COL4A3: variants seen among roughly 807,000 people sequenced by gnomAD.
COL4A3 encodes collagen type IV alpha 3 chain.
COL4A3 carries 135 observed loss-of-function variants against 217.4 expected under a neutral mutation model. The ratio of observed to expected loss-of-function variants is 0.62; its 90% CI spans 0.54 to 0.72. COL4A3 has a LOEUF of 0.72. Ranked by LOEUF, COL4A3 falls within the 30% of genes least tolerant of loss-of-function variation. COL4A3 has a pLI of 0.00. For missense variants in COL4A3, 1,868 were observed against 2,119.9 expected (o/e 0.88, Z 2.33); for synonymous variants, 690 against 736.3 (o/e 0.94, Z 1.02).
intron 1 of COL4A3, among the ~76,000 whole-genome samples, chr2:227,229,745 T>A (rs2068289115): frequency 6.6e-6 from 1 of 152,032 alleles, no homozygotes; most frequent in South Asian, 2.1e-4. Flanking sequence ...TGGGGGAACC[T>A]GGAAGGATTA....
intron 46 of COL4A3, among the ~76,000 whole-genome samples, chr2:227,304,632 A>G (rs2073426871): frequency 6.6e-6 from 1 of 152,240 alleles, no homozygotes; most frequent in Non-Finnish European, 1.5e-5. Context: ...TCTGAATGGA[A>G]TGATTATGCC....
At chr2:227,280,851 A>G (rs1574777446) in intron 30 of COL4A3, 42 bp from the exon 31 acceptor site, 1 of 1,402,892 alleles carries the variant, frequency 7.1e-7, no homozygotes, top group East Asian at 2.5e-5. Context: ...CCAAGACCTT[A>G]AGTTCTAGCA....
At chr2:227,239,230 T>A (rs2068876203) in intron 2 of COL4A3, among the ~76,000 whole-genome samples, 1 of 121,514 alleles carries the variant, frequency 8.2e-6, no homozygotes, top group Non-Finnish European at 1.8e-5. Context: ...ATACAACAAT[T>A]AAAGATAATA....
chr2:227,292,810 T>G (rs530325282), intron 37 of COL4A3, among the ~76,000 whole-genome samples: 1 of 152,208 alleles, frequency 6.6e-6, no homozygotes, highest in Non-Finnish European at 1.5e-5. Context: ...TGAAGCTCCA[T>G]GAAGGCAGGG....
chr2:227,205,882 G>T (rs1365987580), intron 1 of COL4A3, among the ~76,000 whole-genome samples: 1 of 148,068 alleles, frequency 6.8e-6, no homozygotes. Context: ...CGTAAGAGCA[G>T]TGTCTTGGCA....
chr2:227,285,086 T>TAGCAGG (rs1377279007), intron 34 of COL4A3, among the ~76,000 whole-genome samples: 1 of 151,788 alleles, frequency 6.6e-6, no homozygotes, highest in Non-Finnish European at 1.5e-5. Context: ...CAGACTCTCA[T>TAGCAGG]AGCAGGAAAG....
Position 227,253,638 on chromosome 2 carries a change from G to A in COL4A3, c.765G>A (p.Thr255=), listed in dbSNP as rs869025328. 8 of 1,613,122 alleles carry A rather than the reference G, an allele frequency of 5.0e-6. No individual in the cohort carries two copies. Among genetic ancestry groups the A allele is most frequent in the African/African-American group, 4.0e-5 (3 of 74,850 alleles). Residue 255 remains threonine (T), a splice_region_variant and synonymous_variant, in exon 13 of 52, where the codon ACG becomes ACA. Transcript: ENST00000396578. The surrounding 1 kb of genome is among the most constrained non-coding windows in gnomAD (Gnocchi z 4.4). ...IVTLTGPDNR[T]DLKGEKGDKG... is the part of the protein sequence containing the mutation. ...CCCTAACTGGCCCAGATAACAGAAC[G>A]GTAACTCTGCGATTTTATGATTAGT...
chr2:227,232,534 G>T (rs2068462170), intron 1 of COL4A3, among the ~76,000 whole-genome samples: 1 of 152,038 alleles, frequency 6.6e-6, no homozygotes, highest in Admixed American at 6.6e-5. Context: ...TCCAGCATTT[G>T]TTATTGACTG....
chr2:227,283,764 T>C lies in COL4A3; in HGVS notation c.2657-3T>C. ...GCTGCTTTGTGTTAATTTGTTTCCATAGGTGAAGATGGAGTGATTGGGATG... is the reference window on the plus strand; with the variant it reads ...GCTGCTTTGTGTTAATTTGTTTCCACAGGTGAAGATGGAGTGATTGGGATG... On this transcript the variant is annotated splice_polypyrimidine_tract_variant and splice_region_variant and intron_variant, in intron 32 of 51. Transcript: ENST00000396578. 1.2e-6 allele frequency: 2 copies of C among 1,613,616 alleles called. No individual in the cohort carries two copies. The highest frequency in any genetic ancestry group is 1.7e-6 in the Non-Finnish European group (2 of 1,179,498).
intron 36 of COL4A3, among the ~76,000 whole-genome samples, chr2:227,290,480 AC>A (rs1477250473): frequency 1.3e-5 from 2 of 152,204 alleles, no homozygotes; most frequent in Admixed American, 1.3e-4. Flanking sequence ...AGCATGGGCG[AC>A]AGAGTGAGAC....
At chr2:227,187,292 A>T (rs762206604) in intron 1 of COL4A3, among the ~76,000 whole-genome samples, 40 of 152,160 alleles carry the variant, frequency 2.6e-4, no homozygotes, top group Non-Finnish European at 5.0e-4. Context: ...TGGAGGGAGG[A>T]TGAGGGTGAG....
Position 227,250,472 on chromosome 2 carries a change from C to A in COL4A3, c.547-668C>A, listed in dbSNP as rs2069674295. 6.6e-6 allele frequency among the ~76,000 whole-genome samples: 1 copy of A among 151,950 alleles called. No individual in the cohort carries two copies. The highest frequency in any genetic ancestry group is 2.4e-5 in the African/African-American group (1 of 41,368). On this transcript the variant is annotated intron_variant, in intron 9 of 51. Coordinates refer to ENST00000396578, the MANE Select transcript of COL4A3 (RefSeq NM_000091.5). The surrounding 1 kb of genome is among the most constrained non-coding windows in gnomAD (Gnocchi z 4.1). The stretch of plus-strand genomic sequence containing the variant: ...AGCTGAGACAGGAAGGTCTCTTGAG[C>A]CTAGTTATAGGCCAGCCTGGGCAAC...
chr2:227,242,402 T>C (rs570996385), intron 3 of COL4A3, among the ~76,000 whole-genome samples: 1 of 152,274 alleles, frequency 6.6e-6, no homozygotes, highest in East Asian at 1.9e-4. Flanking sequence ...ACGTGAACGT[T>C]CACCCACCCA....
At chr2:227,215,912 G>T (rs1156569476) in intron 1 of COL4A3, among the ~76,000 whole-genome samples, 1 of 152,134 alleles carries the variant, frequency 6.6e-6, no homozygotes, top group Non-Finnish European at 1.5e-5. Context: ...AAATAAGAGG[G>T]TGTTTACATG....
At chr2:227,241,904 G>A (rs10933171) in intron 3 of COL4A3, among the ~76,000 whole-genome samples, 118,471 of 152,038 alleles carry the variant, frequency 0.78, 46,824 homozygotes, top group East Asian at 0.91. Context: ...ATGAGAAAAC[G>A]GACACAGAGC....
chr2:227,297,236 T>C (rs1301509438), intron 41 of COL4A3, among the ~76,000 whole-genome samples: 1 of 152,264 alleles, frequency 6.6e-6, no homozygotes, highest in Non-Finnish European at 1.5e-5. Context: ...TATGCTCTAA[T>C]GAATTATCAG....
At chr2:227,186,324 T>C (rs1031652650) in intron 1 of COL4A3, among the ~76,000 whole-genome samples, 2 of 152,152 alleles carry the variant, frequency 1.3e-5, no homozygotes, top group African/African-American at 2.4e-5. Context: ...ATGATGAGTG[T>C]CCAATAATGA....
chr2:227,194,762 TA>T (rs1181054527), intron 1 of COL4A3, among the ~76,000 whole-genome samples: 6 of 152,300 alleles, frequency 3.9e-5, no homozygotes, highest in African/African-American at 1.4e-4. Flanking sequence ...TGTAAATTCA[TA>T]AATATTGTGG....
chr2:227,282,381 G>T lies in COL4A3; in HGVS notation c.2505G>T (p.Thr835=). The T allele has an allele frequency of 6.2e-7, 1 of 1,612,060 alleles. No homozygotes were observed. Among genetic ancestry groups the T allele is most frequent in the African/African-American group, 1.3e-5 (1 of 74,342 alleles). ...CGTACACAGGCAGAAGAGGTAAAAC[G>T]GGGCCAAAGGGAGACCCAGGAATTC... ...LKGQQGRRGK[T]GPKGDPGIPG... is the part of the protein sequence containing the mutation. The change falls in exon 32 of 52, where the codon ACG becomes ACT. Residue 835 remains threonine, a synonymous_variant. Transcript: ENST00000396578. The surrounding 1 kb of genome is among the most constrained non-coding windows in gnomAD (Gnocchi z 4.4).
Sources: allele counts gnomAD v4.1 joint callset (sites outside exome capture counted in the v4.1 genomes callset), GRCh38; gene constraint gnomAD v4.1.1; non-coding constraint Gnocchi (gnomAD v3.1); transcripts MANE v1.5; gene names NCBI Gene and HGNC (gene_info 2026-07-23, HGNC 2026-07-21).